OTOF: variants seen among roughly 807,000 people sequenced by gnomAD.
The protein encoded by OTOF is fer-1-like family member 2.
Under a neutral mutation model 236.8 loss-of-function variants are expected in OTOF, and 218 were observed. That is an observed-to-expected ratio of 0.92 (90% CI 0.82 to 1.03). The LOEUF (loss-of-function observed/expected upper bound fraction) is 1.03. OTOF is among the 50% of genes least tolerant of loss of function. The pLI is 0.00. For missense variants in OTOF, 2,590 were observed against 2,694.4 expected, an observed-to-expected ratio of 0.96 and a Z score of 0.86; for synonymous variants, 1,041 against 1,072.5, an observed-to-expected ratio of 0.97 and a Z score of 0.57.
rs753696158 is a variant in OTOF, at chr2:26,473,470, G to A, written c.3506C>T (p.Ser1169Leu). The A allele has an allele frequency of 8.1e-6, 13 of 1,613,128 alleles. No homozygotes were observed. Among genetic ancestry groups the A allele is most frequent in the African/African-American group, 2.7e-5 (2 of 74,894 alleles). The change falls in exon 28 of 47, where the codon TCG becomes TTG. Residue 1169 changes from serine to leucine, a missense_variant. Physicochemically the swap from Ser to Leu is moderately radical, Grantham distance 145. This residue lies in a region of OTOF where 1,211 missense variants were observed against 1,352.8 expected (regional missense o/e 0.90). Transcript: ENST00000272371. The surrounding 1 kb of genome is among the most constrained non-coding windows in gnomAD (Gnocchi z 7.2). ...DIECAGKGVQ[S>L]SLIHNYKKNP... ...CTTCTTATAATTGTGGATCAGGGAC[G>A]ACTGCACCCCCTTCCCTGCACACTC... is the stretch of plus-strand genomic sequence containing the variant.
At chr2:26,545,119 T>C (rs1056310786) in intron 1 of OTOF, among the ~76,000 whole-genome samples, 2 of 152,150 alleles carry the variant, frequency 1.3e-5, no homozygotes, top group African/African-American at 4.8e-5. Flanking sequence ...CACACTCTTA[T>C]CAGCAATGTA....
intron 2 of OTOF, among the ~76,000 whole-genome samples, chr2:26,532,414 C>G (rs964744657): frequency 6.6e-6 from 1 of 152,162 alleles, no homozygotes; most frequent in African/African-American, 2.4e-5. Context: ...AGCAGTTAAG[C>G]CAAACACAGT....
intron 1 of OTOF, among the ~76,000 whole-genome samples, chr2:26,556,366 C>A (rs1345267831): frequency 6.6e-6 from 1 of 152,118 alleles, no homozygotes; most frequent in South Asian, 2.1e-4. Context: ...CAACTGTGAA[C>A]TGCTAGATGA....
At chr2:26,481,112 G>T in intron 14 of OTOF, 103 bp from the exon 15 acceptor site, 1 of 802,812 alleles carries the variant, frequency 1.2e-6, no homozygotes, top group African/African-American at 1.7e-5. Context: ...CCTGGGTGCT[G>T]AGCTGAGAAC....
At chr2:26,543,982 A>G (rs1667267771) in intron 1 of OTOF, among the ~76,000 whole-genome samples, 1 of 152,224 alleles carries the variant, frequency 6.6e-6, no homozygotes, top group Non-Finnish European at 1.5e-5. Flanking sequence ...TGGCCTCCCA[A>G]AATGCTAGGA....
intron 1 of OTOF, among the ~76,000 whole-genome samples, chr2:26,545,135 A>T (rs765945489): frequency 6.6e-6 from 1 of 152,166 alleles, no homozygotes; most frequent in Non-Finnish European, 1.5e-5. Flanking sequence ...ATGTAAAAAA[A>T]ATTTCAGTTG....
At chr2:26,551,313 C>G (rs1478638006) in intron 1 of OTOF, among the ~76,000 whole-genome samples, 1 of 152,174 alleles carries the variant, frequency 6.6e-6, no homozygotes, top group African/African-American at 2.4e-5. Context: ...TTGTTCCTGC[C>G]AATGAGCTGC....
At chr2:26,548,516 A>G (rs939419385) in intron 1 of OTOF, among the ~76,000 whole-genome samples, 4 of 152,174 alleles carry the variant, frequency 2.6e-5, no homozygotes, top group African/African-American at 9.7e-5. Context: ...GACAACCACA[A>G]ATCTCCTCTC....
intron 5 of OTOF, among the ~76,000 whole-genome samples, chr2:26,509,296 A>G (rs1304269665): frequency 6.6e-6 from 1 of 152,176 alleles, no homozygotes; most frequent in Non-Finnish European, 1.5e-5. Flanking sequence ...AGCATTCCCC[A>G]TCATCGCCAC....
chr2:26,485,598 G>T (rs763391178), intron 11 of OTOF, among the ~76,000 whole-genome samples: 1 of 152,196 alleles, frequency 6.6e-6, no homozygotes, highest in African/African-American at 2.4e-5. Context: ...AAAGGGAAGC[G>T]CATCACTGTG....
chr2:26,472,214 C>G, intron 30 of OTOF: 1 of 440,348 alleles, frequency 2.3e-6, no homozygotes, highest in South Asian at 2.0e-5. Context: ...CATATGCACA[C>G]CACACATACG....
chr2:26,464,328 C>A (rs1664627733), intron 39 of OTOF, among the ~76,000 whole-genome samples: 1 of 151,892 alleles, frequency 6.6e-6, no homozygotes, highest in African/African-American at 2.4e-5. Context: ...TGGTCCTCTG[C>A]TTGGGGAAGT....
chr2:26,473,107 G>C lies in OTOF; in HGVS notation c.3733+25C>G, dbSNP rs778977246. 4 of 1,605,132 alleles carry C rather than the reference G, an allele frequency of 2.5e-6. No individual in the cohort carries two copies. Among genetic ancestry groups the C allele is most frequent in the Non-Finnish European group, 3.4e-6 (4 of 1,175,486 alleles). Reference sequence around the variant, plus strand: ...CCCTGGGGGGCGTGGAGCCAGGCTTGGTGGCAGGGTGGATGTGGCCATACC... The same window carrying C: ...CCCTGGGGGGCGTGGAGCCAGGCTTCGTGGCAGGGTGGATGTGGCCATACC... On this transcript the variant is annotated intron_variant, in intron 29 of 46. Transcript: ENST00000272371. This position sits in a 1 kb window ranked among gnomAD's most constrained non-coding sequence, Gnocchi z 7.2.
At chr2:26,534,830 G>A (rs1234160752) in intron 2 of OTOF, among the ~76,000 whole-genome samples, 1 of 152,210 alleles carries the variant, frequency 6.6e-6, no homozygotes, top group Non-Finnish European at 1.5e-5. Flanking sequence ...GCCCTGGGCA[G>A]AGTAAGACGG....
At chr2:26,556,914 C>T (rs1474205663) in intron 1 of OTOF, among the ~76,000 whole-genome samples, 1 of 152,216 alleles carries the variant, frequency 6.6e-6, no homozygotes, top group African/African-American at 2.4e-5. Flanking sequence ...GATGAAAGGA[C>T]ACATTTGCTT....
chr2:26,465,454 C>G (rs58155484), intron 38 of OTOF, among the ~76,000 whole-genome samples: 5 of 152,224 alleles, frequency 3.3e-5, no homozygotes, highest in African/African-American at 7.2e-5. Flanking sequence ...TCTCCTCGTC[C>G]TGCCTCCTCT....
intron 8 of OTOF, among the ~76,000 whole-genome samples, chr2:26,499,462 G>C (rs1307741001): frequency 1.3e-5 from 2 of 152,052 alleles, no homozygotes; most frequent in Non-Finnish European, 2.9e-5. Flanking sequence ...GTCTCCAAGA[G>C]AGTGAAGTCG....
chr2:26,527,123 A>C (rs2148112219), intron 3 of OTOF, among the ~76,000 whole-genome samples: 1 of 152,344 alleles, frequency 6.6e-6, no homozygotes, highest in East Asian at 1.9e-4. Flanking sequence ...CTCGTATGGC[A>C]GGTGTACTTC....
intron 3 of OTOF, among the ~76,000 whole-genome samples, chr2:26,522,572 G>A (rs1440769579): frequency 1.3e-5 from 2 of 152,206 alleles, no homozygotes; most frequent in African/African-American, 4.8e-5. Flanking sequence ...CCTCTGCATG[G>A]GTCAGCATGG....
Sources: gnomAD v4.1 joint callset for allele counts (sites outside exome capture counted in the v4.1 genomes callset) on GRCh38, gnomAD v4.1.1 for gene constraint, gnomAD v4.1.1 regional missense constraint, Gnocchi (gnomAD v3.1) non-coding constraint, MANE v1.5 for transcripts, NCBI Gene and HGNC (gene_info 2026-07-23, HGNC 2026-07-21) for gene names.